The following CACNB2 variants were observed in gnomAD, a reference collection of about 807,000 sequenced individuals.
CACNB2 encodes voltage-dependent L-type calcium channel subunit beta-2.
CACNB2 carries 42 observed loss-of-function variants against 73.3 expected under a neutral mutation model. That is an observed-to-expected ratio of 0.57 (90% CI 0.45 to 0.74). The LOEUF (loss-of-function observed/expected upper bound fraction) is 0.74. Ranked by LOEUF, CACNB2 falls within the 30% of genes least tolerant of loss-of-function variation. The pLI is 0.00. For missense variants in CACNB2, 940 were observed against 853.0 expected, an observed-to-expected ratio of 1.10 and a Z score of -1.27; for synonymous variants, 348 against 310.3, an observed-to-expected ratio of 1.12 and a Z score of -1.28.
intron 3 of CACNB2, among the ~76,000 whole-genome samples, chr10:18,441,752 A>G (rs958727051): frequency 1.3e-5 from 2 of 151,990 alleles, no homozygotes; most frequent in African/African-American, 4.8e-5. Flanking sequence ...CTCCCACCTC[A>G]GCCTCCCAAG....
At chr10:18,504,456 C>CTGAGTTATCCGTATTTGAGGGAA (rs2050379450) in intron 5 of CACNB2, among the ~76,000 whole-genome samples, 1 of 152,044 alleles carries the variant, frequency 6.6e-6, no homozygotes, top group Admixed American at 6.6e-5. Flanking sequence ...CCTTAGGACT[C>CTGAGTTATCCGTATTTGAGGGAA]TGAGTTATCC....
chr10:18,168,313 A>G (rs1301480603), intron 2 of CACNB2, among the ~76,000 whole-genome samples: 1 of 152,162 alleles, frequency 6.6e-6, no homozygotes, highest in Non-Finnish European at 1.5e-5. Flanking sequence ...GAGGCTGTTA[A>G]TGAGGCTGGA....
At chr10:18,193,749 T>A (rs2034505710) in intron 2 of CACNB2, among the ~76,000 whole-genome samples, 1 of 152,158 alleles carries the variant, frequency 6.6e-6, no homozygotes, top group Non-Finnish European at 1.5e-5. Flanking sequence ...GACAAACAGA[T>A]AAACTCCTAG....
chr10:18,529,097 A>G (rs2052747600), intron 10 of CACNB2, among the ~76,000 whole-genome samples: 1 of 152,210 alleles, frequency 6.6e-6, no homozygotes, highest in Non-Finnish European at 1.5e-5. Context: ...CTGAAGTGCC[A>G]GGACTATAGG....
intron 2 of CACNB2, among the ~76,000 whole-genome samples, chr10:18,265,129 A>T (rs11013259): frequency 0.093 from 13,298 of 142,548 alleles, 646 homozygotes; most frequent in Middle Eastern, 0.13. Flanking sequence ...TCATATATTT[A>T]TTGACCATTT....
chr10:18,383,158 G>A (rs1045870475), intron 2 of CACNB2, among the ~76,000 whole-genome samples: 1 of 152,208 alleles, frequency 6.6e-6, no homozygotes, highest in Non-Finnish European at 1.5e-5. Context: ...GGTTTGATGT[G>A]ACAGACACAT....
At chr10:18,495,909 G>A (rs2049784490) in intron 3 of CACNB2, among the ~76,000 whole-genome samples, 1 of 151,912 alleles carries the variant, frequency 6.6e-6, no homozygotes, top group Admixed American at 6.6e-5. Flanking sequence ...TTATTTACGT[G>A]TATTTTTAAT....
intron 3 of CACNB2, among the ~76,000 whole-genome samples, chr10:18,490,839 C>T (rs532899118): frequency 5.1e-4 from 36 of 70,212 alleles, no homozygotes; most frequent in African/African-American, 1.8e-3. Flanking sequence ...CTGATAAACC[C>T]GGGCCGGTGG....
chr10:18,326,119 A>G (rs2040581997), intron 2 of CACNB2, among the ~76,000 whole-genome samples: 1 of 152,152 alleles, frequency 6.6e-6, no homozygotes, highest in African/African-American at 2.4e-5. Flanking sequence ...TTCAAGATAA[A>G]TCATTAACAG....
At chr10:18,502,315 A>AG in intron 5 of CACNB2, among the ~76,000 whole-genome samples, 1 of 151,592 alleles carries the variant, frequency 6.6e-6, no homozygotes, top group Non-Finnish European at 1.5e-5. Context: ...CTCAAAAAAA[A>AG]AAGAACAAGA....
intron 3 of CACNB2, among the ~76,000 whole-genome samples, chr10:18,490,948 T>A (rs2049380708): frequency 6.6e-6 from 1 of 152,186 alleles, no homozygotes; most frequent in African/African-American, 2.4e-5. Context: ...GGCCTTGGGA[T>A]CTGGAATAGC....
At chr10:18,301,582 G>A (rs186334780) in intron 2 of CACNB2, among the ~76,000 whole-genome samples, 17 of 152,002 alleles carry the variant, frequency 1.1e-4, no homozygotes, top group African/African-American at 3.1e-4. Context: ...GTAACAGAGC[G>A]AGATCCTGTC....
At chr10:18,451,816 T>G (rs1470817084) in intron 3 of CACNB2, among the ~76,000 whole-genome samples, 3 of 152,228 alleles carry the variant, frequency 2.0e-5, no homozygotes, top group East Asian at 1.9e-4. Context: ...CATTTAACTT[T>G]GAAGGCACAC....
At chr10:18,491,615 C>T (rs1202595793) in intron 3 of CACNB2, among the ~76,000 whole-genome samples, 1 of 151,900 alleles carries the variant, frequency 6.6e-6, no homozygotes, top group Non-Finnish European at 1.5e-5. Flanking sequence ...GGCTTCCAGA[C>T]CAAAAGTAAC....
intron 2 of CACNB2, among the ~76,000 whole-genome samples, chr10:18,279,333 C>T (rs1005008741): frequency 2.0e-5 from 3 of 152,094 alleles, no homozygotes; most frequent in South Asian, 2.1e-4. Flanking sequence ...GTAACTCTTA[C>T]GAATAATGAA....
At chr10:18,377,724 G>A (rs2042859208) in intron 2 of CACNB2, among the ~76,000 whole-genome samples, 1 of 152,190 alleles carries the variant, frequency 6.6e-6, no homozygotes, top group Non-Finnish European at 1.5e-5. Flanking sequence ...TGTGGTTAGA[G>A]CGGGGAAGGT....
At chr10:18,350,565 C>T (rs996374610) in intron 2 of CACNB2, among the ~76,000 whole-genome samples, 1 of 152,178 alleles carries the variant, frequency 6.6e-6, no homozygotes, top group Admixed American at 6.5e-5. Context: ...GCTTTAGGTT[C>T]CCTTAATCTT....
chr10:18,531,230 CCTT>C (rs1334953934), intron 10 of CACNB2, among the ~76,000 whole-genome samples: 1 of 152,156 alleles, frequency 6.6e-6, no homozygotes, highest in African/African-American at 2.4e-5. Context: ...ACAGAAACCT[CCTT>C]CTAAATAAGT....
At chr10:18,483,848 C>A (rs1474296685) in intron 3 of CACNB2, among the ~76,000 whole-genome samples, 1 of 152,090 alleles carries the variant, frequency 6.6e-6, no homozygotes, top group East Asian at 1.9e-4. Flanking sequence ...ATTTAAATGC[C>A]AGCATCAGTT....
Sources: gnomAD v4.1 joint callset for allele counts (sites outside exome capture counted in the v4.1 genomes callset) on GRCh38, gnomAD v4.1.1 for gene constraint, MANE v1.5 for transcripts, NCBI Gene and HGNC (gene_info 2026-07-23, HGNC 2026-07-21) for gene names.